The following BRWD3 variants were observed in gnomAD, a reference collection of about 807,000 sequenced individuals.
BRWD3 encodes bromodomain and WD repeat domain containing 3, also known as bromodomain and WD repeat-containing protein 3.
In BRWD3, 10 loss-of-function variants were observed where a neutral mutation model predicts 149.7. The observed-to-expected ratio is 0.07, with a 90% CI of 0.04 to 0.11. The LOEUF (loss-of-function observed/expected upper bound fraction) is 0.11, where lower values mean the gene tolerates loss of function less well. Ranked by LOEUF, BRWD3 falls within the 10% of genes least tolerant of loss-of-function variation. The pLI is 1.00. For missense variants in BRWD3, 940 were observed against 1,373.2 expected (o/e 0.68, Z 4.99); for synonymous variants, 504 against 456.7 (o/e 1.10, Z -1.32).
chrX:80,673,389 A>T lies in BRWD3; in HGVS notation c.*3220T>A, dbSNP rs2072338265. On this transcript the variant is annotated 3_prime_UTR_variant, in exon 41 of 41. Coordinates refer to ENST00000373275, the MANE Select transcript of BRWD3 (RefSeq NM_153252.5). ...AGGCATAATGAATGATCAAGCAGTA[A>T]ATATACAGGCTAAGAGCTGTAGAGA... 1 of 111,733 alleles carries T rather than the reference A, an allele frequency of 8.9e-6. No individual in the cohort carries two copies. Among genetic ancestry groups the T allele is most frequent in the South Asian group, 3.7e-4 (1 of 2,700 alleles). 9.2% of individuals were successfully genotyped at this position (111,733 alleles called of 1,213,427 possible). A position where few individuals can be genotyped will look rare whatever the true frequency, so the allele number is the denominator to read the frequency against.
In BRWD3 at chrX:80,719,781, T is replaced by C. The variant is rs145447791; in HGVS notation, c.1877-125A>G. On this transcript the variant is annotated intron_variant, in intron 17 of 40. Coordinates refer to ENST00000373275, the MANE Select transcript of BRWD3 (RefSeq NM_153252.5). ...ACAGCATTAAACGTAAAATAAAGTA[T>C]ATATCAAATGAAACATTTGTAAATA... 7,214 of 654,163 alleles carry C rather than the reference T, an allele frequency of 0.011. 249 individuals carry two copies. In the East Asian group the frequency reaches 0.15, roughly 13 times the overall value. 53.9% of individuals were successfully genotyped at this position (654,163 alleles called of 1,213,427 possible).
At chrX:80,705,792 G>A (rs751184821) in intron 22 of BRWD3, among the ~76,000 whole-genome samples, 188 of 111,570 alleles carry the variant, frequency 1.7e-3, no homozygotes, top group African/African-American at 6.1e-3. Flanking sequence ...AAAATATGAC[G>A]TAAAAGATTT....
At chrX:80,691,364 C>T (rs1319386913) in intron 30 of BRWD3, among the ~76,000 whole-genome samples, 191 bp from the exon 31 acceptor site, 5 of 111,739 alleles carry the variant, frequency 4.5e-5, no homozygotes, top group African/African-American at 1.3e-4. Flanking sequence ...ATGCATGATA[C>T]ACTGGTTCAA....
rs1328355020 is a variant in BRWD3 at position 80,707,609 on chromosome X, C to CA, written c.2476-107dup. On this transcript the variant is annotated intron_variant, in intron 21 of 40. Coordinates refer to ENST00000373275, the MANE Select transcript of BRWD3 (RefSeq NM_153252.5). ...ATAGCATTTTTTTGAATTCTGCCCT[C>CA]AAAAAATGTTCTTCTTAAAACGCAC... The CA allele has an allele frequency of 8.2e-6, 6 of 733,781 alleles. No homozygotes were observed. In the East Asian group the frequency reaches 1.7e-4, roughly 21 times the overall value. The allele number at this position is 733,781 out of a possible 1,213,427, so 60.5% of individuals were successfully genotyped here. A position where few individuals can be genotyped will look rare whatever the true frequency, so the allele number is the denominator to read the frequency against.
At chrX:80,801,099 A>AAT (rs774765394) in intron 4 of BRWD3, among the ~76,000 whole-genome samples, 6 of 109,975 alleles carry the variant, frequency 5.5e-5, no homozygotes, top group South Asian at 3.9e-4. Context: ...AAATAAACCA[A>AAT]ATATATATAT....
chrX:80,709,604 T>A (rs758778983), intron 20 of BRWD3, 27 bp from the exon 21 acceptor site: 38 of 1,187,631 alleles, frequency 3.2e-5, no homozygotes, highest in Middle Eastern at 2.3e-4. Context: ...TAATAAATTT[T>A]AAAAAAGGAA....
At chrX:80,757,977 A>G (rs1403505899) in intron 6 of BRWD3, among the ~76,000 whole-genome samples, 2 of 111,883 alleles carry the variant, frequency 1.8e-5, no homozygotes, top group Non-Finnish European at 3.8e-5. Context: ...AAGGGAGTGG[A>G]TCACCTGAGG....
At chrX:80,713,490 C>T (rs1480312872) in intron 20 of BRWD3, among the ~76,000 whole-genome samples, 1 of 109,914 alleles carries the variant, frequency 9.1e-6, no homozygotes, top group Non-Finnish European at 1.9e-5. Flanking sequence ...TGCTTGAAGG[C>T]AGCATGCTCC....
chrX:80,702,269 C>T (rs1316304760), intron 24 of BRWD3, among the ~76,000 whole-genome samples: 3 of 112,321 alleles, frequency 2.7e-5, no homozygotes, highest in African/African-American at 9.7e-5. Context: ...TCACCTCATA[C>T]ACATTAGTCT....
chrX:80,725,796 A>ATGTTTACAT (rs2073213919), intron 14 of BRWD3, among the ~76,000 whole-genome samples: 1 of 95,110 alleles, frequency 1.1e-5, no homozygotes, highest in Non-Finnish European at 2.0e-5. Context: ...AACGTATAAC[A>ATGTTTACAT]TGTTTACATG....
At chrX:80,792,072 A>T (rs2074187855) in intron 5 of BRWD3, 120 bp from the exon 6 acceptor site, 3 of 502,046 alleles carry the variant, frequency 6.0e-6, no homozygotes, top group Admixed American at 3.7e-5. Context: ...TATTAAACCA[A>T]AATGAAAATA....
intron 34 of BRWD3, among the ~76,000 whole-genome samples, chrX:80,687,682 T>C (rs1056000771): frequency 9.1e-6 from 1 of 110,470 alleles, no homozygotes; most frequent in African/African-American, 3.3e-5. Flanking sequence ...AATACCTGAT[T>C]TCCTTCTGGG....
At chrX:80,805,685 C>T (rs1464269076) in intron 4 of BRWD3, among the ~76,000 whole-genome samples, 2 of 112,145 alleles carry the variant, frequency 1.8e-5, no homozygotes, top group Admixed American at 1.9e-4. Flanking sequence ...CCTGTAATCC[C>T]AGCACTTTGG....
chrX:80,740,050 T>G (rs889541217), intron 8 of BRWD3, among the ~76,000 whole-genome samples: 3 of 111,712 alleles, frequency 2.7e-5, no homozygotes, highest in African/African-American at 9.8e-5. Flanking sequence ...ACTGATAATC[T>G]CCCAAATCAA....
intron 37 of BRWD3, among the ~76,000 whole-genome samples, chrX:80,682,864 G>T (rs1036767839): frequency 2.7e-5 from 3 of 111,736 alleles, no homozygotes; most frequent in Non-Finnish European, 3.8e-5. Context: ...ATGCAAGAGA[G>T]AATGTAAACT....
intron 6 of BRWD3, among the ~76,000 whole-genome samples, chrX:80,767,469 C>A (rs772090599): frequency 2.7e-5 from 3 of 111,410 alleles, no homozygotes; most frequent in Non-Finnish European, 3.8e-5. Flanking sequence ...GAGGACCTAA[C>A]TGTTAGAAGG....
chrX:80,766,281 T>C (rs910438799), intron 6 of BRWD3, among the ~76,000 whole-genome samples: 1 of 111,254 alleles, frequency 9.0e-6, no homozygotes, highest in Non-Finnish European at 1.9e-5. Context: ...ATTCTCAGGC[T>C]TTTGGACTTG....
chrX:80,775,186 A>C (rs2073987459), intron 6 of BRWD3, among the ~76,000 whole-genome samples: 1 of 111,730 alleles, frequency 9.0e-6, no homozygotes, highest in African/African-American at 3.3e-5. Context: ...ATTGCAACTG[A>C]GACCAAATGT....
chrX:80,746,985 G>A (rs1159457694), intron 6 of BRWD3: 1 of 188,111 alleles, frequency 5.3e-6, no homozygotes, highest in South Asian at 2.5e-4. Flanking sequence ...AATACTGCAA[G>A]ATGCTGAGTA....
Sources: allele counts gnomAD v4.1 joint callset (sites outside exome capture counted in the v4.1 genomes callset), GRCh38; gene constraint gnomAD v4.1.1; transcripts MANE v1.5; gene names NCBI Gene and HGNC (gene_info 2026-07-23, HGNC 2026-07-21).